Variants in NEO1 observed in about 807,000 individuals in gnomAD.
NEO1 encodes the protein neogenin 1, also known as neogenin.
A neutral mutation model predicts 159.7 loss-of-function variants in NEO1; 63 were observed. That is an observed-to-expected ratio of 0.39 (90% confidence interval 0.32 to 0.49). The LOEUF (loss-of-function observed/expected upper bound fraction) is 0.49, where lower values mean the gene tolerates loss of function less well. Ranked by LOEUF, NEO1 falls within the 20% of genes least tolerant of loss-of-function variation. NEO1 has a pLI of 0.85. For synonymous variants in NEO1, 633 were observed against 662.0 expected (o/e 0.96, Z 0.67); for missense variants, 1,615 against 1,831.0 (o/e 0.88, Z 2.15).
chr15:73,273,042 T>C (rs2151046204), intron 19 of NEO1, among the ~76,000 whole-genome samples: 1 of 149,642 alleles, frequency 6.7e-6, no homozygotes, highest in African/African-American at 2.5e-5. Context: ...CTACTTCAAG[T>C]ACCTGTGCTC....
intron 5 of NEO1, among the ~76,000 whole-genome samples, chr15:73,168,004 A>G (rs970036903): frequency 1.2e-4 from 19 of 152,166 alleles, no homozygotes; most frequent in African/African-American, 4.6e-4. Flanking sequence ...AGGAGAAACA[A>G]TGATATAAAA....
intron 5 of NEO1, among the ~76,000 whole-genome samples, chr15:73,158,748 G>C (rs1246866610): frequency 6.6e-6 from 1 of 152,078 alleles, no homozygotes; most frequent in African/African-American, 2.4e-5. Context: ...GTTCTAGAAA[G>C]GATATATAGT....
intron 6 of NEO1, 90 bp downstream of exon 6, chr15:73,176,647 C>A: frequency 1.0e-6 from 1 of 962,080 alleles, no homozygotes; most frequent in Non-Finnish European, 1.5e-6. Context: ...CTTATATATA[C>A]TAGTTTGTGT....
chr15:73,122,824 A>G (rs1274547103), intron 3 of NEO1, 24 bp downstream of exon 3: 4 of 1,610,364 alleles, frequency 2.5e-6, no homozygotes, highest in South Asian at 1.1e-5. Context: ...ATCAGGACTG[A>G]TGGTTTTATG....
In NEO1 at chr15:73,094,953, A is replaced by G. The variant is rs868656129; in HGVS notation, c.131-21587A>G. Among the ~76,000 whole-genome samples, 17 of 152,244 alleles carry G rather than the reference A, an allele frequency of 1.1e-4. No individual in the cohort carries two copies. The East Asian group carries it at 2.9e-3, about 26-fold the overall frequency. On this transcript the variant is annotated intron_variant, in intron 1 of 28. Coordinates refer to ENST00000261908, the MANE Select transcript of NEO1 (RefSeq NM_002499.4). Reference sequence around the variant, plus strand: ...AGGCTGGGCACGGTGGCTCACACCTATAAGCCCAGCACTTTGGGAGGCTGA... The same window carrying G: ...AGGCTGGGCACGGTGGCTCACACCTGTAAGCCCAGCACTTTGGGAGGCTGA...
At chr15:73,059,230 T>A (rs2067862963) in intron 1 of NEO1, among the ~76,000 whole-genome samples, 1 of 152,188 alleles carries the variant, frequency 6.6e-6, no homozygotes, top group South Asian at 2.1e-4. Flanking sequence ...CTGACCCCTT[T>A]ACATAAAGAA....
At chr15:73,226,794 C>T (rs759496210) in intron 7 of NEO1, among the ~76,000 whole-genome samples, 7 of 152,094 alleles carry the variant, frequency 4.6e-5, no homozygotes, top group African/African-American at 1.7e-4. Flanking sequence ...GAATATTTCC[C>T]ATGATACTTT....
chr15:73,052,550 G>A lies in NEO1; in HGVS notation c.-126G>A. The A allele has an allele frequency of 8.9e-6, 4 of 451,072 alleles. No individual in the cohort carries two copies. The highest frequency in any genetic ancestry group is 1.3e-5 in the Non-Finnish European group (4 of 307,704). The allele number at this position is 451,072 out of a possible 1,614,324, so 27.9% of individuals were successfully genotyped here. A position where few individuals can be genotyped will look rare whatever the true frequency, so the allele number is the denominator to read the frequency against. On this transcript the variant is annotated 5_prime_UTR_variant, in exon 1 of 29. Transcript: ENST00000261908. ...GCGCGGGCCGGGCCGGGCCGGGCTG[G>A]GCTGGAGCAGCGGCGGCCGCGGGAG...
chr15:73,282,125 C>G (rs1337121580), intron 22 of NEO1, among the ~76,000 whole-genome samples: 1 of 152,148 alleles, frequency 6.6e-6, no homozygotes, highest in Non-Finnish European at 1.5e-5. Flanking sequence ...GGTCCTTTCC[C>G]TTGTATGATG....
intron 1 of NEO1, among the ~76,000 whole-genome samples, chr15:73,115,176 G>T (rs2071232717): frequency 6.6e-6 from 1 of 152,078 alleles, no homozygotes. Context: ...CCAACTAGCT[G>T]GGACTACAGG....
At position 73,052,747 on chromosome 15, in the gene NEO1, CG is replaced by C; in HGVS notation, c.75del (p.Arg26AlafsTer47). On this transcript the variant is annotated frameshift_variant, in exon 1 of 29. Coordinates refer to ENST00000261908, the MANE Select transcript of NEO1 (RefSeq NM_002499.4). LOFTEE classifies it high-confidence loss of function. The stretch of plus-strand genomic sequence containing the variant: ...TCTGGCTCTACTGCCTGCTGCTGCT[CG>C]GGCGCCGGGCGCCGGGCGCCGCGGC... Reference protein sequence around the residue: ...SFWLYCLLLLGRRAPGAAAAR... With the variant: ...SFWLYCLLLLXRRAPGAAAAR... The C allele has an allele frequency of 7.9e-7, 1 of 1,267,376 alleles. No homozygotes were observed. The highest frequency in any genetic ancestry group is 1.0e-6 in the Non-Finnish European group (1 of 1,000,242). The allele number at this position is 1,267,376 out of a possible 1,614,324, so 78.5% of individuals were successfully genotyped here. A position where few individuals can be genotyped will look rare whatever the true frequency, so the allele number is the denominator to read the frequency against.
In NEO1 at chr15:73,270,163, A is replaced by G. The variant is rs2041105542; in HGVS notation, c.2648A>G (p.Gln883Arg). The change falls in exon 17 of 29, where the codon CAG (glutamine) becomes CGG (arginine). Residue 883 changes from glutamine (Q) to arginine (R), a missense_variant. This residue lies in a region of NEO1 where 1,018 missense variants were observed against 1,115.4 expected (regional missense o/e 0.91). Transcript: ENST00000261908. ...GCAGACAACTCGCTGCCCAAGCACC[A>G]GAAGATTACAGACTCCCGATACTAC... The part of the protein sequence containing the change: ...TWADNSLPKH[Q>R]KITDSRYYTV... The G allele has an allele frequency of 1.2e-6, 2 of 1,614,198 alleles. No homozygotes were observed. Among genetic ancestry groups the G allele is most frequent in the East Asian group, 4.5e-5 (2 of 44,876 alleles).
Position 73,178,347 on chromosome 15 carries a change from A to T in NEO1, c.1211A>T (p.Asp404Val). ...NLQVLGLVKS[D>V]EGFYQCIAEN... The stretch of plus-strand genomic sequence containing the variant: ...CAAGTTTTGGGTCTGGTGAAATCAG[A>T]TGAAGGGTTCTATCAGTGCATTGCT... The change falls in exon 7 of 29, where the codon GAT (aspartate) becomes GTT (valine). Residue 404 changes from aspartate (D) to valine (V), a missense_variant. Asp to Val is a radical substitution (Grantham distance 152, BLOSUM62 -3). Transcript: ENST00000261908. 3 of 1,613,804 alleles carry T rather than the reference A, an allele frequency of 1.9e-6. No individual in the cohort carries two copies. Among genetic ancestry groups the T allele is most frequent in the Non-Finnish European group, 2.5e-6 (3 of 1,179,808 alleles).
At chr15:73,171,878 G>T (rs2034995652) in intron 5 of NEO1, among the ~76,000 whole-genome samples, 1 of 151,886 alleles carries the variant, frequency 6.6e-6, no homozygotes, top group African/African-American at 2.4e-5. Flanking sequence ...CTGACCTCAG[G>T]TGATCACCTG....
At chr15:73,263,020 G>A (rs560145992) in intron 15 of NEO1, among the ~76,000 whole-genome samples, 1 of 152,164 alleles carries the variant, frequency 6.6e-6, no homozygotes, top group South Asian at 2.1e-4. Flanking sequence ...CCTGGAACCA[G>A]GGGTGTTAGG....
At chr15:73,302,038 A>T (rs484544) in intron 28 of NEO1, among the ~76,000 whole-genome samples, 126,296 of 152,148 alleles carry the variant, frequency 0.83, 54,336 homozygotes, top group Non-Finnish European at 0.94. Flanking sequence ...CTTCCCCCAC[A>T]TCCTGCCTGC....
intron 7 of NEO1, among the ~76,000 whole-genome samples, chr15:73,181,474 T>A (rs151282983): frequency 3.3e-3 from 495 of 151,962 alleles, no homozygotes; most frequent in African/African-American, 0.011. Flanking sequence ...AGAAAAGAGG[T>A]TTAGTTGGCT....
intron 1 of NEO1, among the ~76,000 whole-genome samples, chr15:73,065,608 C>T (rs754018797): frequency 3.9e-5 from 6 of 152,066 alleles, no homozygotes; most frequent in Non-Finnish European, 5.9e-5. Flanking sequence ...GCTTACCTCC[C>T]GTCTTTGGCC....
At chr15:73,179,836 T>G (rs928604667) in intron 7 of NEO1, among the ~76,000 whole-genome samples, 1 of 150,456 alleles carries the variant, frequency 6.6e-6, no homozygotes, top group East Asian at 1.9e-4. Context: ...TTGATCTGCA[T>G]CAATATTGTT....
Sources: gnomAD v4.1 joint callset for allele counts (sites outside exome capture counted in the v4.1 genomes callset) on GRCh38, gnomAD v4.1.1 for gene constraint, gnomAD v4.1.1 regional missense constraint, MANE v1.5 for transcripts, NCBI Gene and HGNC (gene_info 2026-07-23, HGNC 2026-07-21) for gene names.